The following DLC1 variants were observed in gnomAD, a reference collection of about 807,000 sequenced individuals.
The protein encoded by DLC1 is DLC1 Rho GTPase activating protein, also known as rho GTPase-activating protein 7.
Under a neutral mutation model 140.3 loss-of-function variants are expected in DLC1, and 54 were observed. The ratio of observed to expected loss-of-function variants is 0.38; its 90% CI spans 0.31 to 0.48. The LOEUF (loss-of-function observed/expected upper bound fraction) is 0.48, where lower values mean the gene tolerates loss of function less well. Among genes scored for constraint, DLC1 ranks in the 20% least tolerant of loss-of-function variants. The probability of loss-of-function intolerance (pLI) is 0.96; values close to 1 mark genes in which losing one functional copy is unlikely to be tolerated. For synonymous variants in DLC1, 986 were observed against 728.1 expected, an observed-to-expected ratio of 1.35 and a Z score of -5.70; for missense variants, 2,536 against 1,907.0, an observed-to-expected ratio of 1.33 and a Z score of -6.14.
chr8:13,473,166 T>G (rs1362077271), intron 2 of DLC1, among the ~76,000 whole-genome samples: 1 of 152,176 alleles, frequency 6.6e-6, no homozygotes, highest in Non-Finnish European at 1.5e-5. Context: ...ACCATCTGCA[T>G]GGAAACAGGA....
chr8:13,507,932 T>C (rs1007051865), intron 1 of DLC1, among the ~76,000 whole-genome samples: 9 of 152,200 alleles, frequency 5.9e-5, no homozygotes, highest in African/African-American at 2.2e-4. Context: ...AAAAATATTA[T>C]TTTATTGTTA....
chr8:13,347,905 C>T (rs1473167696), intron 4 of DLC1, among the ~76,000 whole-genome samples: 2 of 152,072 alleles, frequency 1.3e-5, no homozygotes, highest in Non-Finnish European at 1.5e-5. Context: ...CTGGCTAACA[C>T]AGTGAAACCC....
intron 2 of DLC1, among the ~76,000 whole-genome samples, chr8:13,428,719 A>T (rs1838718374): frequency 6.6e-6 from 1 of 151,364 alleles, no homozygotes; most frequent in Non-Finnish European, 1.5e-5. Context: ...TGCAAGATGG[A>T]TTTTTTTTTG....
At chr8:13,436,482 C>G (rs575656723) in intron 2 of DLC1, among the ~76,000 whole-genome samples, 2 of 152,288 alleles carry the variant, frequency 1.3e-5, no homozygotes, top group South Asian at 4.1e-4. Flanking sequence ...ATTATTTTCA[C>G]TTTTCCAGAC....
intron 4 of DLC1, among the ~76,000 whole-genome samples, chr8:13,319,006 G>T (rs1043661324): frequency 6.6e-6 from 1 of 152,144 alleles, no homozygotes; most frequent in Non-Finnish European, 1.5e-5. Context: ...CCAAAGCTGG[G>T]TGCTGACAAG....
intron 5 of DLC1, among the ~76,000 whole-genome samples, chr8:13,298,586 C>T (rs987136815): frequency 6.6e-6 from 1 of 152,116 alleles, no homozygotes; most frequent in Non-Finnish European, 1.5e-5. Flanking sequence ...AGAAGACACA[C>T]AGCTAAGCAA....
At chr8:13,154,638 G>T (rs1585789221) in intron 5 of DLC1, among the ~76,000 whole-genome samples, 2 of 152,194 alleles carry the variant, frequency 1.3e-5, no homozygotes. Context: ...GCCCAGAGAG[G>T]GGCTCCCACA....
chr8:13,466,949 A>C (rs1048800457), intron 2 of DLC1, among the ~76,000 whole-genome samples: 4 of 9,634 alleles, frequency 4.2e-4, no homozygotes, highest in African/African-American at 6.2e-4. Flanking sequence ...ACTATTTCAC[A>C]AAAAAAAAAC....
At chr8:13,168,072 T>C (rs928707731) in intron 5 of DLC1, among the ~76,000 whole-genome samples, 1 of 152,210 alleles carries the variant, frequency 6.6e-6, no homozygotes, top group Admixed American at 6.5e-5. Context: ...TGTCTCAGAT[T>C]GGCCTCTCTA....
intron 1 of DLC1, chr8:13,584,448 G>A (rs906447474): frequency 6.6e-6 from 1 of 152,372 alleles, no homozygotes; most frequent in East Asian, 1.9e-4. Flanking sequence ...TTCTTGGAGA[G>A]TATCAATGAA....
At chr8:13,091,236 G>C (rs1563569003) in intron 14 of DLC1, 82 bp downstream of exon 14, 1 of 1,365,380 alleles carries the variant, frequency 7.3e-7, no homozygotes, top group African/African-American at 1.4e-5. Flanking sequence ...CTTCAGGTAA[G>C]ACATGAACAA....
intron 5 of DLC1, among the ~76,000 whole-genome samples, chr8:13,226,365 A>G (rs1828795879): frequency 6.6e-6 from 1 of 152,242 alleles, no homozygotes; most frequent in Non-Finnish European, 1.5e-5. Context: ...GTAGTGCTGC[A>G]TACATGATGA....
At chr8:13,285,359 C>G (rs1403232508) in intron 5 of DLC1, among the ~76,000 whole-genome samples, 1 of 152,006 alleles carries the variant, frequency 6.6e-6, no homozygotes, top group Non-Finnish European at 1.5e-5. Flanking sequence ...AAAAAGAAAC[C>G]TTGAGCTTTA....
chr8:13,602,422 C>T (rs1805918977), intron 1 of DLC1, among the ~76,000 whole-genome samples: 1 of 151,698 alleles, frequency 6.6e-6, no homozygotes, highest in Non-Finnish European at 1.5e-5. Context: ...AAACTGTGAT[C>T]ATTGCATTCC....
chr8:13,433,941 C>T (rs1161558200), intron 2 of DLC1, among the ~76,000 whole-genome samples: 1 of 152,108 alleles, frequency 6.6e-6, no homozygotes, highest in African/African-American at 2.4e-5. Flanking sequence ...CTGCAATCTC[C>T]GCCTCCTGGG....
chr8:13,366,183 A>G lies in DLC1; in HGVS notation c.1314+27370T>C, dbSNP rs183877845. On this transcript the variant is annotated intron_variant, in intron 4 of 17. Transcript: ENST00000276297. ...GGTTCCTCCTAGTCCTGGAATTCCT[A>G]TTGGGAGCCCAGGGCTGAAGGGGCA... Among the ~76,000 whole-genome samples, 32 of 152,256 alleles carry G rather than the reference A, an allele frequency of 2.1e-4. 1 individual carries two copies. The highest frequency in any genetic ancestry group is 7.7e-4 in the East Asian group (4 of 5,188).
chr8:13,280,236 C>T (rs1029379883), intron 5 of DLC1, among the ~76,000 whole-genome samples: 8 of 143,470 alleles, frequency 5.6e-5, no homozygotes, highest in Admixed American at 2.9e-4. Context: ...TACAGTGAGC[C>T]GAGATCGCAC....
chr8:13,183,268 C>T (rs1826145387), intron 5 of DLC1, among the ~76,000 whole-genome samples: 1 of 152,178 alleles, frequency 6.6e-6, no homozygotes, highest in Non-Finnish European at 1.5e-5. Flanking sequence ...CAAACAGGGA[C>T]AATTTGACTT....
chr8:13,194,434 GA>G (rs1170686038), intron 5 of DLC1, among the ~76,000 whole-genome samples: 1 of 152,168 alleles, frequency 6.6e-6, no homozygotes, highest in African/African-American at 2.4e-5. Flanking sequence ...TTTTTGTAAA[GA>G]ATGCTTTTGC....
Sources: allele counts gnomAD v4.1 joint callset (sites outside exome capture counted in the v4.1 genomes callset), GRCh38; gene constraint gnomAD v4.1.1; transcripts MANE v1.5; gene names NCBI Gene and HGNC (gene_info 2026-07-23, HGNC 2026-07-21).